The following LIPA variants were observed in gnomAD, a reference collection of about 807,000 sequenced individuals.
LIPA encodes lysosomal acid lipase/cholesteryl ester hydrolase.
Under a neutral mutation model 40.6 loss-of-function variants are expected in LIPA, and 26 were observed. The ratio of observed to expected loss-of-function variants is 0.64; its 90% CI spans 0.47 to 0.89. LIPA has a LOEUF of 0.89. Among genes scored for constraint, LIPA ranks in the 40% least tolerant of loss-of-function variants. The pLI is 0.00. For synonymous variants in LIPA, 188 were observed against 168.4 expected (o/e 1.12, Z -0.90); for missense variants, 455 against 479.6 (o/e 0.95, Z 0.48).
At chr10:89,247,714 T>G (rs560951760) in intron 1 of LIPA, 65 bp from the exon 2 acceptor site, 1 of 1,126,922 alleles carries the variant, frequency 8.9e-7, no homozygotes, top group Non-Finnish European at 1.3e-6. Context: ...TTCTGGTAAC[T>G]TAATGCTCCC....
At chr10:89,338,599 T>TGATCACAGGGTGC (rs1843785896) in intron 1 of LIPA, 14 of 1,457,388 alleles carry the variant, frequency 9.6e-6, no homozygotes, top group Non-Finnish European at 1.3e-5. Flanking sequence ...ATAAAATTAA[T>TGATCACAGGGTGC]GATCACAGGG....
In LIPA at chr10:89,360,859, C is replaced by T. The variant is rs532898081; in HGVS notation, c.61+51932G>A. ...ATTTGTTCTCTCTCAGTTTTGGAGC[C>T]CAAGAGCCTAAAATCAAGGTATCAG... On this transcript the variant is annotated intron_variant, in intron 2 of 8. Transcript: ENST00000371837. Among the ~76,000 whole-genome samples, 8 of 152,260 alleles carry T rather than the reference C, an allele frequency of 5.3e-5. No individual in the cohort carries two copies. The South Asian group carries it at 1.7e-3, about 32-fold the overall frequency.
chr10:89,307,645 T>A (rs1277584409), intron 1 of LIPA: 1 of 332,904 alleles, frequency 3.0e-6, no homozygotes, highest in Non-Finnish European at 5.6e-6. Context: ...CAATTTGAAC[T>A]GTAACATTTG....
chr10:89,340,224 G>A, intron 1 of LIPA: 1 of 1,312,640 alleles, frequency 7.6e-7, no homozygotes. Context: ...GGATTGCTGA[G>A]CAGGGAAGCT....
intron 1 of LIPA, chr10:89,338,956 G>A (rs768560074): frequency 3.7e-6 from 6 of 1,614,026 alleles, no homozygotes; most frequent in African/African-American, 2.7e-5. Flanking sequence ...GGGAAACTAC[G>A]CCTGGGTCTA....
chr10:89,257,285 TA>T (rs1163446478), intron 1 of LIPA, among the ~76,000 whole-genome samples: 1 of 152,206 alleles, frequency 6.6e-6, no homozygotes, highest in Non-Finnish European at 1.5e-5. Context: ...GACTTTAATA[TA>T]AAGGACTTCA....
chr10:89,285,146 C>G (rs1843334987), intron 1 of LIPA: 1 of 159,866 alleles, frequency 6.3e-6, no homozygotes, highest in Admixed American at 6.5e-5. Context: ...GATCGGGGAA[C>G]CTCCCTTGGG....
At position 89,268,686 on chromosome 10, in the gene LIPA, T is replaced by C. The variant is rs567541051; in HGVS notation, c.-1-21037A>G. Among the ~76,000 whole-genome samples the C allele has an allele frequency of 3.1e-4, 47 of 152,348 alleles. 1 individual carries two copies. The highest frequency in any genetic ancestry group is 2.3e-3 in the Admixed American group (35 of 15,300). ...ATTATTTTGTCATCTGGAGTTACAA[T>C]GATTTACTTTAAATCATTTGAATGA... On this transcript the variant is annotated intron_variant, in intron 1 of 5. Coordinates refer to the LIPA transcript ENST00000282673.
At position 89,249,346 on chromosome 10, in the gene LIPA, G is replaced by A. The variant is rs116428196; in HGVS notation, c.-1-1697C>T. Among the ~76,000 whole-genome samples the A allele has an allele frequency of 3.8e-3, 571 of 152,174 alleles. 6 individuals are homozygous for A. Among genetic ancestry groups the A allele is most frequent in the African/African-American group, 0.012 (498 of 41,488 alleles). On this transcript the variant is annotated intron_variant, in intron 1 of 9. Transcript: ENST00000336233. ...ATGCCTCTCCTAAGATCACGCAAGT[G>A]GTCAGAGAAAAACCTAGGACTAGAT...
chr10:89,287,422 T>A (rs953978605), intron 1 of LIPA, among the ~76,000 whole-genome samples: 40 of 152,202 alleles, frequency 2.6e-4, no homozygotes, highest in African/African-American at 8.2e-4. Flanking sequence ...CACCCTTTTT[T>A]AATTATCCCC....
intron 1 of LIPA, among the ~76,000 whole-genome samples, chr10:89,260,390 T>C (rs990064257): frequency 6.6e-6 from 1 of 152,160 alleles, no homozygotes; most frequent in African/African-American, 2.4e-5. Context: ...CAGTGCATAG[T>C]GGAGGAAGCG....
chr10:89,309,196 T>C (rs1162496389), intron 1 of LIPA: 1 of 152,230 alleles, frequency 6.6e-6, no homozygotes, highest in Admixed American at 6.5e-5. Flanking sequence ...TCCCCTTTTC[T>C]TTGTTAAATT....
intron 1 of LIPA, among the ~76,000 whole-genome samples, chr10:89,330,480 C>A (rs1436670327): frequency 6.6e-6 from 1 of 152,160 alleles, no homozygotes; most frequent in African/African-American, 2.4e-5. Context: ...GATGGGCTTC[C>A]TATCTGGAGA....
At chr10:89,255,413 C>T (rs1246349308), upstream of LIPA, among the ~76,000 whole-genome samples, 3 of 152,128 alleles carry the variant, frequency 2.0e-5, no homozygotes, top group Non-Finnish European at 4.4e-5. Context: ...AAAACTGCCC[C>T]CCATGATTTA....
chr10:89,229,044 A>C (rs1842806899), intron 3 of LIPA, among the ~76,000 whole-genome samples: 1 of 152,220 alleles, frequency 6.6e-6, no homozygotes, highest in Admixed American at 6.5e-5. Context: ...TCTACACAAA[A>C]ACCTGCATAC....
At chr10:89,381,412 AC>A (rs982174578) in intron 2 of LIPA, among the ~76,000 whole-genome samples, 2 of 151,980 alleles carry the variant, frequency 1.3e-5, no homozygotes, top group African/African-American at 4.8e-5. Context: ...TCCCACACAC[AC>A]CCCCACACAC....
chr10:89,275,824 C>T (rs1843286679), intron 1 of LIPA, among the ~76,000 whole-genome samples: 1 of 152,172 alleles, frequency 6.6e-6, no homozygotes, highest in Admixed American at 6.5e-5. Context: ...TCTCAAATTT[C>T]ATTCCAGCTC....
intron 1 of LIPA, among the ~76,000 whole-genome samples, chr10:89,301,334 T>C (rs768563271): frequency 1.2e-4 from 19 of 152,206 alleles, no homozygotes; most frequent in Non-Finnish European, 2.4e-4. Context: ...CAGCAATGAT[T>C]CAGACTAAAA....
intron 1 of LIPA, chr10:89,305,898 A>T: frequency 8.6e-7 from 1 of 1,161,336 alleles, no homozygotes; most frequent in Non-Finnish European, 1.2e-6. Context: ...TTTATTTGCC[A>T]TGCTCCCATT....
Sources: allele counts gnomAD v4.1 joint callset (sites outside exome capture counted in the v4.1 genomes callset), GRCh38; gene constraint gnomAD v4.1.1; transcripts MANE v1.5; gene names NCBI Gene and HGNC (gene_info 2026-07-23, HGNC 2026-07-21).